Variants in NEK6 observed in about 807,000 individuals in gnomAD.
NEK6 encodes the protein NIMA related kinase 6.
NEK6 carries 27 observed loss-of-function variants against 43.5 expected under a neutral mutation model. The ratio of observed to expected loss-of-function variants is 0.62; its 90% CI spans 0.46 to 0.86. The LOEUF (loss-of-function observed/expected upper bound fraction) is 0.86, where lower values mean the gene tolerates loss of function less well. Ranked by LOEUF, NEK6 falls within the 40% of genes least tolerant of loss-of-function variation. The pLI, the probability that NEK6 is intolerant of heterozygous loss-of-function variation, is 0.00. For missense variants in NEK6, 318 were observed against 414.4 expected, an observed-to-expected ratio of 0.77 and a Z score of 2.02; for synonymous variants, 167 against 164.1, an observed-to-expected ratio of 1.02 and a Z score of -0.14.
intron 7 of NEK6, among the ~76,000 whole-genome samples, chr9:124,331,737 CTGGCA>C (rs1344352768): frequency 3.9e-5 from 6 of 152,216 alleles, no homozygotes; most frequent in Admixed American, 3.9e-4. Flanking sequence ...GTGCCCAGGC[CTGGCA>C]TGGGGGCCCT....
intron 7 of NEK6, among the ~76,000 whole-genome samples, chr9:124,336,720 C>T (rs1230225490): frequency 6.6e-6 from 1 of 152,114 alleles, no homozygotes; most frequent in African/African-American, 2.4e-5. Context: ...CTTAAAAATC[C>T]AGGCCAGGCT....
chr9:124,257,717 G>GC (rs1259975844), upstream of NEK6: 3 of 1,533,420 alleles, frequency 2.0e-6, no homozygotes, highest in Non-Finnish European at 1.7e-6. Context: ...GCCGGCCTGC[G>GC]CCCTGTGAGT....
rs183644202 is a variant in NEK6, at chr9:124,273,471, C to T, written c.-30+15386C>T. The stretch of plus-strand genomic sequence containing the variant: ...CAGGAGAAGACTTAAGAAATGACAG[C>T]GGGCAGTCAGGGCACGTGTGTCTGT... On this transcript the variant is annotated intron_variant, in intron 1 of 9. Coordinates refer to ENST00000320246, the MANE Select transcript of NEK6 (RefSeq NM_014397.6). Among the ~76,000 whole-genome samples the T allele has an allele frequency of 5.9e-5, 9 of 152,296 alleles. No individual in the cohort carries two copies. The South Asian group carries it at 1.0e-3, about 18-fold the overall frequency.
chr9:124,314,935 C>T (rs1833740321), intron 4 of NEK6, among the ~76,000 whole-genome samples: 1 of 152,224 alleles, frequency 6.6e-6, no homozygotes. Context: ...GCTGGGATTA[C>T]AGGCGGGAGC....
At chr9:124,316,326 C>G (rs1833816744) in intron 4 of NEK6, among the ~76,000 whole-genome samples, 1 of 152,210 alleles carries the variant, frequency 6.6e-6, no homozygotes, top group African/African-American at 2.4e-5. Context: ...AATTTCTGAT[C>G]ACCACTGAAT....
chr9:124,318,794 C>A (rs1833934415), intron 4 of NEK6, among the ~76,000 whole-genome samples: 1 of 152,020 alleles, frequency 6.6e-6, no homozygotes, highest in Non-Finnish European at 1.5e-5. Context: ...ATCTCAGCCT[C>A]CTGAGTAGCT....
At chr9:124,323,918 C>T (rs1324605986) in intron 5 of NEK6, among the ~76,000 whole-genome samples, 2 of 152,194 alleles carry the variant, frequency 1.3e-5, no homozygotes, top group East Asian at 3.9e-4. Context: ...ATGAACCCAG[C>T]AGGATTGAGT....
intron 8 of NEK6, among the ~76,000 whole-genome samples, chr9:124,344,359 G>A (rs1015979301): frequency 7.2e-5 from 11 of 152,218 alleles, no homozygotes; most frequent in African/African-American, 2.7e-4. Flanking sequence ...TCACACTTGG[G>A]CATCAGCTAT....
chr9:124,277,850 A>G (rs1831710973), intron 1 of NEK6, among the ~76,000 whole-genome samples: 1 of 152,226 alleles, frequency 6.6e-6, no homozygotes, highest in Non-Finnish European at 1.5e-5. Context: ...TGAATCTGCA[A>G]GAGCCCTGCT....
intron 1 of NEK6, chr9:124,261,119 T>C (rs1307691553): frequency 1.3e-5 from 2 of 152,272 alleles, no homozygotes; most frequent in Non-Finnish European, 2.9e-5. Flanking sequence ...GCTGCCTTTG[T>C]CGTGCTTTGC....
intron 7 of NEK6, among the ~76,000 whole-genome samples, chr9:124,332,456 G>C (rs759306388): frequency 2.0e-5 from 3 of 152,208 alleles, no homozygotes; most frequent in Non-Finnish European, 4.4e-5. Context: ...GTGCAGCCCA[G>C]CCAGCTCCAG....
chr9:124,281,795 G>A (rs188647008), intron 1 of NEK6, among the ~76,000 whole-genome samples: 181 of 152,266 alleles, frequency 1.2e-3, no homozygotes, highest in Non-Finnish European at 1.4e-3. Context: ...CACCACACCC[G>A]GCCTGTCCTT....
At chr9:124,312,365 C>G in intron 2 of NEK6, 144 bp from the exon 3 acceptor site, 2 of 1,006,328 alleles carry the variant, frequency 2.0e-6, no homozygotes, top group Non-Finnish European at 2.8e-6. Flanking sequence ...GGGGGGGTGC[C>G]TGGGAGGCTC....
At chr9:124,322,784 G>A (rs970663728) in intron 5 of NEK6, among the ~76,000 whole-genome samples, 6 of 152,248 alleles carry the variant, frequency 3.9e-5, no homozygotes, top group Non-Finnish European at 7.3e-5. Context: ...TGGGTTCTCT[G>A]TCTTTCCCAT....
At chr9:124,327,725 C>T (rs1217249174) in intron 7 of NEK6, among the ~76,000 whole-genome samples, 1 of 152,188 alleles carries the variant, frequency 6.6e-6, no homozygotes, top group Admixed American at 6.5e-5. Context: ...GTGTCTGTGG[C>T]ACAGGGCGGT....
rs982371622 is a variant in NEK6 at position 124,319,811 on chromosome 9, G to A, written c.295-1648G>A. Among the ~76,000 whole-genome samples, 3 of 152,082 alleles carry A rather than the reference G, an allele frequency of 2.0e-5. No individual in the cohort carries two copies. In the South Asian group the frequency reaches 6.2e-4, roughly 31 times the overall value. ...TCCATTGGTCTATGTATCTATTTTT[G>A]TACCAGTACCATGCTGTTTTGGTTA... On this transcript the variant is annotated intron_variant, in intron 4 of 9. Transcript: ENST00000320246.
intron 4 of NEK6, among the ~76,000 whole-genome samples, chr9:124,318,905 AG>A (rs1833938774): frequency 6.6e-6 from 1 of 152,076 alleles, no homozygotes. Context: ...TCCTGACTTC[AG>A]GTGATCCACC....
chr9:124,313,815 T>C (rs190329248), intron 3 of NEK6, 108 bp from the exon 4 acceptor site: 15 of 1,074,258 alleles, frequency 1.4e-5, no homozygotes, highest in Non-Finnish European at 2.1e-5. Context: ...CAGAGTCCCT[T>C]GGTGAGGAGG....
intron 1 of NEK6, among the ~76,000 whole-genome samples, chr9:124,267,241 G>A (rs574239737): frequency 6.6e-6 from 1 of 152,376 alleles, no homozygotes; most frequent in East Asian, 1.9e-4. Context: ...TTCTGCAGCT[G>A]ATGTGGCCTT....
Sources: allele counts gnomAD v4.1 joint callset (sites outside exome capture counted in the v4.1 genomes callset), GRCh38; gene constraint gnomAD v4.1.1; transcripts MANE v1.5; gene names NCBI Gene and HGNC (gene_info 2026-07-23, HGNC 2026-07-21).